Variants in WNK2 observed in about 807,000 individuals in gnomAD.
The protein encoded by WNK2 is WNK lysine deficient protein kinase 2.
Under a neutral mutation model 192.1 loss-of-function variants are expected in WNK2, and 67 were observed. The observed-to-expected ratio is 0.35, with a 90% CI of 0.29 to 0.43. WNK2 has a LOEUF of 0.43. Among genes scored for constraint, WNK2 ranks in the 20% least tolerant of loss-of-function variants. The pLI, the probability that WNK2 is intolerant of heterozygous loss-of-function variation, is 1.00. For synonymous variants in WNK2, 1,439 were observed against 1,393.9 expected, an observed-to-expected ratio of 1.03 and a Z score of -0.72; for missense variants, 2,698 against 3,089.7, an observed-to-expected ratio of 0.87 and a Z score of 3.01.
intron 23 of WNK2, among the ~76,000 whole-genome samples, chr9:93,295,625 C>A (rs190153119): frequency 6.6e-6 from 1 of 151,996 alleles, no homozygotes; most frequent in African/African-American, 2.4e-5. Flanking sequence ...CCTGGGGTGG[C>A]CTTAGGCCTT....
rs142235667 is a variant in WNK2, at chr9:93,259,340, C to T, written c.2792C>T (p.Thr931Met). ...PTDVPPSPHHTVQNMRATPPQ... is the reference protein window; with the variant it reads ...PTDVPPSPHHMVQNMRATPPQ... ...GACGTCCCTCCTTCCCCCCATCACA[C>T]GGTGCAGAATATGAGGGCCACCCCT... Residue 931 changes from threonine (T) to methionine (M), a missense_variant, in exon 12 of 30, where the codon ACG becomes ATG. Physicochemically the swap from Thr to Met is moderately conservative, Grantham distance 81. Coordinates refer to ENST00000427277, the MANE Select transcript of WNK2 (RefSeq NM_006648.4). The surrounding 1 kb of genome is among the most constrained non-coding windows in gnomAD (Gnocchi z 4.8). 257 of 1,613,218 alleles carry T rather than the reference C, an allele frequency of 1.6e-4. No homozygotes were observed. Among genetic ancestry groups the T allele is most frequent in the Admixed American group, 3.5e-4 (21 of 59,936 alleles).
chr9:93,261,863 T>C lies in WNK2; in HGVS notation c.3116T>C (p.Val1039Ala). Residue 1039 changes from valine to alanine, a missense_variant, in exon 13 of 30, where the codon GTC becomes GCC. By Grantham distance (64) the Val-to-Ala change is moderately conservative (BLOSUM62 0). Coordinates refer to ENST00000427277, the MANE Select transcript of WNK2 (RefSeq NM_006648.4). ...APYAVDVAAQ[V>A]PTVPVPPAAV... is the part of the protein sequence containing the mutation. ...TATGCTGTGGACGTCGCCGCTCAGG[T>C]CCCCACCGTGCCTGTGCCACCGGCT... The C allele has an allele frequency of 6.2e-7, 1 of 1,600,048 alleles. No individual in the cohort carries two copies. The highest frequency in any genetic ancestry group is 1.1e-5 in the South Asian group (1 of 91,002).
chr9:93,252,531 A>G (rs1207801455), intron 8 of WNK2, among the ~76,000 whole-genome samples: 3 of 152,216 alleles, frequency 2.0e-5, no homozygotes, highest in African/African-American at 7.2e-5. Flanking sequence ...TTCTTACCTC[A>G]GACATTCCTT....
intron 18 of WNK2, 119 bp downstream of exon 18, chr9:93,268,184 G>A: frequency 2.8e-6 from 4 of 1,419,612 alleles, no homozygotes; most frequent in South Asian, 1.3e-5. Context: ...TGGTGACCAG[G>A]GGCCCCAGTC....
intron 19 of WNK2, among the ~76,000 whole-genome samples, chr9:93,270,271 C>G (rs1027494566): frequency 6.6e-6 from 1 of 152,176 alleles, no homozygotes; most frequent in African/African-American, 2.4e-5. Flanking sequence ...GGCATGTGCA[C>G]GGAAGGCCTT....
At chr9:93,231,871 C>G (rs1240000599) in intron 4 of WNK2, among the ~76,000 whole-genome samples, 1 of 152,232 alleles carries the variant, frequency 6.6e-6, no homozygotes. Context: ...CCCAGGTGTG[C>G]TCCTGGCACA....
rs745912558 is a variant in WNK2 at position 93,229,446 on chromosome 9, G to A, written c.682-250G>A. 6.6e-6 allele frequency among the ~76,000 whole-genome samples: 1 copy of A among 152,230 alleles called. No homozygotes were observed. Among genetic ancestry groups the A allele is most frequent in the African/African-American group, 2.4e-5 (1 of 41,460 alleles). On this transcript the variant is annotated intron_variant, in intron 2 of 29. Transcript: ENST00000427277. This position sits in a 1 kb window ranked among gnomAD's most constrained non-coding sequence, Gnocchi z 4.9. ...CTCAAGTGTGGCCGTGTGGATTTGC[G>A]AGACCTCTTCGGCTTCCTAGGATGT... is the stretch of plus-strand genomic sequence containing the variant.
chr9:93,289,876 C>A (rs556425678), intron 20 of WNK2, 102 bp from the exon 21 acceptor site: 1 of 1,237,600 alleles, frequency 8.1e-7, no homozygotes, highest in Non-Finnish European at 1.1e-6. Context: ...TGGGGCAGCC[C>A]AGGGGCAGCT....
Position 93,184,922 on chromosome 9 carries a change from C to A in WNK2, c.-2-6C>A. 1 of 1,227,954 alleles carries A rather than the reference C, an allele frequency of 8.1e-7. No homozygotes were observed. The allele number at this position is 1,227,954 out of a possible 1,614,324, so 76.1% of individuals were successfully genotyped here. On this transcript the variant is annotated splice_region_variant and splice_polypyrimidine_tract_variant and intron_variant, in intron 1 of 29. Coordinates refer to ENST00000427277, the MANE Select transcript of WNK2 (RefSeq NM_006648.4). ...TCACGCGGGCCTGTGTGTCCTTGGCCCACAGAGATGGACGGCGATGGCGGC... is the reference window on the plus strand; with the variant it reads ...TCACGCGGGCCTGTGTGTCCTTGGCACACAGAGATGGACGGCGATGGCGGC...
At chr9:93,193,172 G>A (rs1053961187) in intron 2 of WNK2, among the ~76,000 whole-genome samples, 2 of 152,080 alleles carry the variant, frequency 1.3e-5, no homozygotes, top group South Asian at 2.1e-4. Context: ...GAAGGACGTC[G>A]CCCCAAAGGT....
At chr9:93,290,715 TG>T (rs780208054) in intron 21 of WNK2, among the ~76,000 whole-genome samples, 1 of 151,480 alleles carries the variant, frequency 6.6e-6, no homozygotes, top group African/African-American at 2.4e-5. Context: ...AGCAGTGCGG[TG>T]GGGGGGGCGC....
chr9:93,216,609 G>C (rs1835781988), intron 2 of WNK2, among the ~76,000 whole-genome samples: 1 of 152,122 alleles, frequency 6.6e-6, no homozygotes, highest in African/African-American at 2.4e-5. Flanking sequence ...CTAGGTGACA[G>C]AGTGAGATCC....
intron 2 of WNK2, among the ~76,000 whole-genome samples, chr9:93,213,337 G>C (rs1005190181): frequency 2.6e-5 from 4 of 151,982 alleles, no homozygotes; most frequent in African/African-American, 9.7e-5. Context: ...ATATTTTTTG[G>C]TCATTATTTT....
intron 7 of WNK2, among the ~76,000 whole-genome samples, chr9:93,241,871 C>T (rs766465054): frequency 8.5e-5 from 13 of 152,176 alleles, no homozygotes; most frequent in Non-Finnish European, 1.5e-4. Context: ...CCTGCAGCCG[C>T]GACCCCTGAG....
intron 3 of WNK2, 32 bp from the exon 4 acceptor site, chr9:93,230,856 G>GA: frequency 6.3e-7 from 1 of 1,598,908 alleles, no homozygotes; most frequent in South Asian, 1.1e-5. Context: ...CCGGCGAGCT[G>GA]CTTGGTGAGC....
Position 93,184,402 on chromosome 9 carries a change from C to T in WNK2, c.-3+17C>T, listed in dbSNP as rs1488204940. 4.0e-5 allele frequency among the ~76,000 whole-genome samples: 6 copies of T among 151,514 alleles called. No individual in the cohort carries two copies. The highest frequency in any genetic ancestry group is 4.2e-4 in the South Asian group (2 of 4,816). On this transcript the variant is annotated intron_variant, in intron 1 of 29. Transcript: ENST00000427277. ...GCTCGCCCTGTGAGTGCCGAGCCTC[C>T]CCTCAACGCCGCTCGCCGCCTTTGT...
chr9:93,267,441 C>T (rs562873508), intron 16 of WNK2, among the ~76,000 whole-genome samples: 3 of 152,286 alleles, frequency 2.0e-5, no homozygotes, highest in Admixed American at 6.5e-5. Context: ...TATGCACTTA[C>T]CTGTTCTGAA....
Position 93,297,837 on chromosome 9 carries a change from C to CT in WNK2, c.5709-15dup. ...CGAGGAAGCCCATCGGCGCTCCCTCCTGTCCCCTCCTGCAGGCACCTGAAG... is the reference window on the plus strand; with the variant it reads ...CGAGGAAGCCCATCGGCGCTCCCTCCTTGTCCCCTCCTGCAGGCACCTGAAG... On this transcript the variant is annotated splice_polypyrimidine_tract_variant and intron_variant, in intron 23 of 29. Coordinates refer to ENST00000427277, the MANE Select transcript of WNK2 (RefSeq NM_006648.4). The CT allele has an allele frequency of 1.9e-6, 3 of 1,561,954 alleles. No homozygotes were observed. Among genetic ancestry groups the CT allele is most frequent in the Non-Finnish European group, 2.6e-6 (3 of 1,154,652 alleles).
intron 2 of WNK2, among the ~76,000 whole-genome samples, chr9:93,213,562 G>A (rs1835160673): frequency 6.6e-6 from 1 of 152,214 alleles, no homozygotes; most frequent in Non-Finnish European, 1.5e-5. Flanking sequence ...AGCCGAGACT[G>A]GTGGATCACC....
Sources: allele counts gnomAD v4.1 joint callset (sites outside exome capture counted in the v4.1 genomes callset), GRCh38; gene constraint gnomAD v4.1.1; non-coding constraint Gnocchi (gnomAD v3.1); transcripts MANE v1.5; gene names NCBI Gene and HGNC (gene_info 2026-07-23, HGNC 2026-07-21).